TRPM3: variants seen among roughly 807,000 people sequenced by gnomAD.
TRPM3 encodes long transient receptor potential channel 3.
TRPM3 carries 77 observed loss-of-function variants against 181.2 expected under a neutral mutation model. The ratio of observed to expected loss-of-function variants is 0.42; its 90% CI spans 0.35 to 0.51. The LOEUF is 0.51. Ranked by LOEUF, TRPM3 falls within the 20% of genes least tolerant of loss-of-function variation. TRPM3 has a pLI of 0.01. For synonymous variants in TRPM3, 745 were observed against 796.4 expected, an observed-to-expected ratio of 0.94 and a Z score of 1.09; for missense variants, 1,759 against 2,196.7, an observed-to-expected ratio of 0.80 and a Z score of 3.98.
At chr9:70,645,111 A>G (rs1171140788) in intron 9 of TRPM3, among the ~76,000 whole-genome samples, 1 of 152,228 alleles carries the variant, frequency 6.6e-6, no homozygotes, top group East Asian at 1.9e-4. Context: ...AAGAATCAAT[A>G]TTGTGAAAAT....
At chr9:70,794,918 C>T (rs1018036994) in intron 6 of TRPM3, among the ~76,000 whole-genome samples, 1 of 152,084 alleles carries the variant, frequency 6.6e-6, no homozygotes, top group Non-Finnish European at 1.5e-5. Flanking sequence ...CATCTGTGGC[C>T]TCAACTAACA....
intron 1 of TRPM3, among the ~76,000 whole-genome samples, chr9:71,410,352 G>C (rs934739342): frequency 6.6e-6 from 1 of 151,846 alleles, no homozygotes; most frequent in African/African-American, 2.4e-5. Flanking sequence ...CAACAAAATA[G>C]ACTGCTAGCA....
At chr9:70,663,538 C>T (rs1317411175) in intron 9 of TRPM3, among the ~76,000 whole-genome samples, 1 of 152,196 alleles carries the variant, frequency 6.6e-6, no homozygotes, top group East Asian at 1.9e-4. Context: ...TTCATTGCCA[C>T]TATTTCCCCT....
At chr9:70,934,250 A>G (rs114772915) in intron 1 of TRPM3, among the ~76,000 whole-genome samples, 194 of 152,272 alleles carry the variant, frequency 1.3e-3, no homozygotes, top group African/African-American at 4.5e-3. Context: ...CAATTTCCAT[A>G]GAAAATTTGG....
intron 1 of TRPM3, among the ~76,000 whole-genome samples, chr9:71,304,725 C>G (rs951512763): frequency 6.6e-6 from 1 of 152,156 alleles, no homozygotes; most frequent in Non-Finnish European, 1.5e-5. Flanking sequence ...TGACCTACAA[C>G]ATTCTCTCTT....
intron 1 of TRPM3, among the ~76,000 whole-genome samples, chr9:71,321,402 A>G (rs1284894119): frequency 2.0e-5 from 3 of 152,174 alleles, no homozygotes; most frequent in Admixed American, 2.0e-4. Flanking sequence ...ATTGTCCTAA[A>G]GCAAAAGCTT....
rs1470008940 is a variant in TRPM3 at position 70,549,547 on chromosome 9, T to C, written c.3702A>G (p.Ser1234=). The C allele has an allele frequency of 6.2e-7, 1 of 1,612,850 alleles. No homozygotes were observed. Among genetic ancestry groups the C allele is most frequent in the Admixed American group, 1.7e-5 (1 of 59,834 alleles). Residue 1234 remains serine, a synonymous_variant, in exon 25 of 26, where the codon TCA becomes TCG. Transcript: ENST00000677713. ...CAGGTGTCCACAGAACACACCTTTC[T>C]GAAGTCACCCGTATCCTCTCATCAT... is the stretch of plus-strand genomic sequence containing the variant. ...SSNDERIRVT[S]ERVENMSMRL...
Position 70,535,562 on chromosome 9 carries a change from C to A in TRPM3, c.*391G>T. 1.3e-6 allele frequency: 2 copies of A among 1,532,032 alleles called. No homozygotes were observed. The highest frequency in any genetic ancestry group is 8.8e-7 in the Non-Finnish European group (1 of 1,141,484). 94.9% of individuals were successfully genotyped at this position (1,532,032 alleles called of 1,614,324 possible). ...TATTTTATTTTGCAATTTAGCCCTG[C>A]ATCCTACAACTCTTGATAATGGTCA... On this transcript the variant is annotated 3_prime_UTR_variant, in exon 26 of 26. Transcript: ENST00000677713.
At chr9:71,368,440 C>T (rs537307953) in intron 1 of TRPM3, among the ~76,000 whole-genome samples, 1 of 152,250 alleles carries the variant, frequency 6.6e-6, no homozygotes, top group African/African-American at 2.4e-5. Flanking sequence ...AGAAAAAGTT[C>T]AGCCAACAAA....
intron 1 of TRPM3, among the ~76,000 whole-genome samples, chr9:71,403,556 C>A (rs1239134049): frequency 6.6e-6 from 1 of 152,160 alleles, no homozygotes; most frequent in Non-Finnish European, 1.5e-5. Context: ...TTCTATTATG[C>A]TAACTATCTC....
chr9:71,195,046 G>A (rs779687807), intron 1 of TRPM3, among the ~76,000 whole-genome samples: 5 of 151,820 alleles, frequency 3.3e-5, no homozygotes, highest in East Asian at 1.9e-4. Flanking sequence ...AAAGAATATC[G>A]TTTTAACCCT....
At chr9:70,598,286 C>G (rs2059350445) in intron 21 of TRPM3, 133 bp downstream of exon 21, 2 of 1,194,564 alleles carry the variant, frequency 1.7e-6, no homozygotes, top group Non-Finnish European at 2.3e-6. Context: ...AAAAGGAATT[C>G]ATAAAATAAA....
intron 1 of TRPM3, among the ~76,000 whole-genome samples, chr9:71,421,716 G>T (rs2093777778): frequency 6.6e-6 from 1 of 152,022 alleles, no homozygotes; most frequent in South Asian, 2.1e-4. Context: ...ACAGCCTATT[G>T]CTCCTAGGCT....
At chr9:70,892,542 GA>G (rs1286545682) in intron 1 of TRPM3, among the ~76,000 whole-genome samples, 11 of 139,930 alleles carry the variant, frequency 7.9e-5, no homozygotes, top group African/African-American at 3.0e-4. Flanking sequence ...CTTTTGGAGA[GA>G]AAAAAGTCTC....
At chr9:70,812,508 C>T (rs1031377336) in intron 6 of TRPM3, among the ~76,000 whole-genome samples, 4 of 152,174 alleles carry the variant, frequency 2.6e-5, no homozygotes, top group African/African-American at 9.7e-5. Flanking sequence ...AACTACTGTA[C>T]ATTTTCCAGA....
At chr9:70,758,171 C>A (rs1587936748) in intron 8 of TRPM3, among the ~76,000 whole-genome samples, 1 of 152,088 alleles carries the variant, frequency 6.6e-6, no homozygotes, top group South Asian at 2.1e-4. Flanking sequence ...TCACAAGCAT[C>A]CCTATATAAC....
intron 1 of TRPM3, among the ~76,000 whole-genome samples, chr9:71,220,833 T>C (rs1317168655): frequency 6.6e-5 from 10 of 152,106 alleles, no homozygotes; most frequent in Admixed American, 5.3e-4. Flanking sequence ...GACCAACTTA[T>C]TGACACCATC....
intron 6 of TRPM3, among the ~76,000 whole-genome samples, chr9:70,794,523 A>G (rs976642069): frequency 2.0e-5 from 3 of 150,554 alleles, no homozygotes; most frequent in Non-Finnish European, 4.4e-5. Flanking sequence ...CACCACTCCC[A>G]TCTCCATCCT....
At chr9:70,673,210 A>G (rs940349779) in intron 9 of TRPM3, among the ~76,000 whole-genome samples, 1 of 152,078 alleles carries the variant, frequency 6.6e-6, no homozygotes, top group African/African-American at 2.4e-5. Context: ...TTTTGGGATG[A>G]GGTAGTAATA....
Sources: allele counts gnomAD v4.1 joint callset (sites outside exome capture counted in the v4.1 genomes callset), GRCh38; gene constraint gnomAD v4.1.1; transcripts MANE v1.5; gene names NCBI Gene and HGNC (gene_info 2026-07-23, HGNC 2026-07-21).